Variants in GDAP1L1 observed in about 807,000 individuals in gnomAD.
The protein encoded by GDAP1L1 is ganglioside induced differentiation associated protein 1 like 1, also known as ganglioside-induced differentiation-associated protein 1-like 1.
GDAP1L1 carries 21 observed loss-of-function variants against 37.1 expected under a neutral mutation model. The observed-to-expected ratio is 0.57, with a 90% CI of 0.40 to 0.81. GDAP1L1 has a LOEUF of 0.81. Among genes scored for constraint, GDAP1L1 ranks in the 40% least tolerant of loss-of-function variants. GDAP1L1 has a pLI of 0.00. For missense variants in GDAP1L1, 362 were observed against 491.6 expected, an observed-to-expected ratio of 0.74 and a Z score of 2.49; for synonymous variants, 193 against 209.1, an observed-to-expected ratio of 0.92 and a Z score of 0.67.
intron 5 of GDAP1L1, chr20:44,265,174 C>A: frequency 1.0e-6 from 1 of 985,424 alleles, no homozygotes; most frequent in Non-Finnish European, 1.2e-6. Flanking sequence ...GCCAGACATC[C>A]AAGCTCACCC....
chr20:44,249,553 G>A (rs1485192782), intron 1 of GDAP1L1, among the ~76,000 whole-genome samples: 1 of 152,232 alleles, frequency 6.6e-6, no homozygotes, highest in Non-Finnish European at 1.5e-5. Context: ...GCTGGGACCA[G>A]ACAGGGGGCA....
At position 44,263,267 on chromosome 20, in the gene GDAP1L1, G is replaced by C; in HGVS notation, c.585G>C (p.Leu195=). The part of the protein sequence containing the change: ...LANATTDLMK[L]DHEEEPQLSE... ...ATGCCACCACGGACCTCATGAAACT[G>C]GACCATGAAGAGGAGCCCCAGCTCT... is the stretch of plus-strand genomic sequence containing the variant. The change falls in exon 4 of 6, where the codon CTG becomes CTC. Residue 195 remains leucine (L), a synonymous_variant. Coordinates refer to ENST00000342560, the MANE Select transcript of GDAP1L1 (RefSeq NM_024034.6). The C allele has an allele frequency of 6.2e-7, 1 of 1,614,030 alleles. No individual in the cohort carries two copies. Among genetic ancestry groups the C allele is most frequent in the Non-Finnish European group, 8.5e-7 (1 of 1,179,948 alleles).
rs371302198 is a variant in GDAP1L1 at position 44,257,145 on chromosome 20, G to A, written c.181-8G>A. The A allele has an allele frequency of 3.8e-5, 60 of 1,577,006 alleles. No homozygotes were observed. The highest frequency in any genetic ancestry group is 3.0e-4 in the East Asian group (13 of 43,196). On this transcript the variant is annotated splice_region_variant and splice_polypyrimidine_tract_variant and intron_variant, in intron 1 of 5. Transcript: ENST00000342560. ...CCGCCTTCCCCGCTCTGACCCTGGC[G>A]CCTGCAGGTGCGGCTGGTGATCGCC...
chr20:44,252,984 C>G (rs186520835), intron 1 of GDAP1L1, among the ~76,000 whole-genome samples: 221 of 152,298 alleles, frequency 1.5e-3, no homozygotes, highest in African/African-American at 5.1e-3. Flanking sequence ...GACTGAAGCT[C>G]TCTTCCCCAG....
chr20:44,279,242 G>C lies in GDAP1L1; in HGVS notation c.1046G>C (p.Gly349Ala). ...PSFFGASFLMGSLGGMGYFAY... is the reference protein window; with the variant it reads ...PSFFGASFLMASLGGMGYFAY... ...TTCTTCGGGGCGTCCTTCCTCATGGGCTCCCTGGGTGGGATGGGCTACTTT... is the reference window on the plus strand; with the variant it reads ...TTCTTCGGGGCGTCCTTCCTCATGGCCTCCCTGGGTGGGATGGGCTACTTT... The change falls in exon 6 of 6, where the codon GGC (glycine) becomes GCC (alanine). Residue 349 changes from glycine to alanine, a missense_variant. Physicochemically the swap from Gly to Ala is moderately conservative, Grantham distance 60 (BLOSUM62 0). This residue lies in a region of GDAP1L1 where 85 missense variants were observed against 154.4 expected (regional missense o/e 0.55). Transcript: ENST00000342560. 6.2e-7 allele frequency: 1 copy of C among 1,613,992 alleles called. No individual in the cohort carries two copies. Among genetic ancestry groups the C allele is most frequent in the East Asian group, 2.2e-5 (1 of 44,876 alleles).
At chr20:44,254,484 G>A (rs541376841) in intron 1 of GDAP1L1, among the ~76,000 whole-genome samples, 1 of 152,360 alleles carries the variant, frequency 6.6e-6, no homozygotes, top group African/African-American at 2.4e-5. Context: ...AGCAGAGCCA[G>A]CCCTGTCTCC....
At chr20:44,264,874 A>C in intron 5 of GDAP1L1, 2 of 1,104,118 alleles carry the variant, frequency 1.8e-6, no homozygotes, top group Non-Finnish European at 2.2e-6. Context: ...AGGGCTTAGC[A>C]CACAGTAGGT....
At chr20:44,258,222 G>T (rs1334170797) in intron 2 of GDAP1L1, 5 of 719,658 alleles carry the variant, frequency 6.9e-6, no homozygotes, top group Middle Eastern at 2.3e-4. Flanking sequence ...GAGCTGAGAG[G>T]AGCTAACCCT....
Position 44,279,869 on chromosome 20 carries a change from C to A in GDAP1L1, c.*569C>A. 1 of 443,836 alleles carries A rather than the reference C, an allele frequency of 2.3e-6. No individual in the cohort carries two copies. Among genetic ancestry groups the A allele is most frequent in the Non-Finnish European group, 4.6e-6 (1 of 215,734 alleles). 27.5% of individuals were successfully genotyped at this position (443,836 alleles called of 1,614,324 possible). A position where few individuals can be genotyped will look rare whatever the true frequency, so the allele number is the denominator to read the frequency against. ...CTCCTGGACATGGACTAGCTTGAGC[C>A]AAGGCAGTGGCACCCAAAAACCAGG... On this transcript the variant is annotated 3_prime_UTR_variant, in exon 6 of 6. Transcript: ENST00000342560.
At chr20:44,276,901 T>C (rs1159737696) in intron 5 of GDAP1L1, among the ~76,000 whole-genome samples, 1 of 152,244 alleles carries the variant, frequency 6.6e-6, no homozygotes, top group African/African-American at 2.4e-5. Flanking sequence ...GAGTGACTGC[T>C]GGGTAAGGTC....
At chr20:44,265,487 A>C in intron 5 of GDAP1L1, 1 of 985,292 alleles carries the variant, frequency 1.0e-6, no homozygotes, top group African/African-American at 1.7e-5. Flanking sequence ...TGTGTATGGG[A>C]AGGCCGTAGA....
intron 5 of GDAP1L1, chr20:44,265,375 A>G: frequency 2.0e-6 from 2 of 985,334 alleles, no homozygotes; most frequent in Non-Finnish European, 2.4e-6. Flanking sequence ...TCTCATTCTG[A>G]GCTTCCCATC....
intron 5 of GDAP1L1, chr20:44,265,653 C>T (rs894841009): frequency 1.9e-5 from 7 of 360,854 alleles, no homozygotes; most frequent in Non-Finnish European, 2.7e-5. Context: ...ACAACTTAAC[C>T]TTGTCTTGCT....
At chr20:44,247,926 G>T (rs895415492) in intron 1 of GDAP1L1, among the ~76,000 whole-genome samples, 2 of 152,030 alleles carry the variant, frequency 1.3e-5, no homozygotes, top group Non-Finnish European at 2.9e-5. Flanking sequence ...AGCCTCGGTA[G>T]CCCCCTCTCA....
At chr20:44,277,280 T>G (rs6073391) in intron 5 of GDAP1L1, among the ~76,000 whole-genome samples, 3,508 of 152,278 alleles carry the variant, frequency 0.023, 63 homozygotes, top group Non-Finnish European at 0.035. Flanking sequence ...ACTTCCGTTT[T>G]AAATTGGCAG....
At chr20:44,265,621 TA>T in intron 5 of GDAP1L1, 1 of 416,406 alleles carries the variant, frequency 2.4e-6, no homozygotes, top group Non-Finnish European at 3.2e-6. Context: ...TTTCCTCATC[TA>T]TAAGATGGGA....
intron 5 of GDAP1L1, among the ~76,000 whole-genome samples, chr20:44,270,360 C>T (rs1041745405): frequency 7.2e-5 from 11 of 151,730 alleles, no homozygotes; most frequent in Admixed American, 3.9e-4. Flanking sequence ...TTAGTAGAGA[C>T]GGGGTTTCAC....
intron 5 of GDAP1L1, among the ~76,000 whole-genome samples, chr20:44,276,889 G>A (rs2062588433): frequency 6.6e-6 from 1 of 152,178 alleles, no homozygotes; most frequent in African/African-American, 2.4e-5. Flanking sequence ...CAGGAGAGGG[G>A]AGAGTGACTG....
At chr20:44,269,882 G>C (rs538077151) in intron 5 of GDAP1L1, among the ~76,000 whole-genome samples, 1 of 152,322 alleles carries the variant, frequency 6.6e-6, no homozygotes, top group Admixed American at 6.5e-5. Context: ...AGTGAGCCAA[G>C]ATTGTGCCAC....
Sources: gnomAD v4.1 joint callset for allele counts (sites outside exome capture counted in the v4.1 genomes callset) on GRCh38, gnomAD v4.1.1 for gene constraint, gnomAD v4.1.1 regional missense constraint, MANE v1.5 for transcripts, NCBI Gene and HGNC (gene_info 2026-07-23, HGNC 2026-07-21) for gene names.